CSMD1: variants seen among roughly 807,000 people sequenced by gnomAD.
CSMD1 encodes the protein CUB and sushi domain-containing protein 1.
CSMD1 carries 213 observed loss-of-function variants against 417.5 expected under a neutral mutation model. That is an observed-to-expected ratio of 0.51 (90% CI 0.46 to 0.57). CSMD1 has a LOEUF of 0.57. CSMD1 is among the 20% of genes least tolerant of loss of function. CSMD1 has a pLI of 0.00. For synonymous variants in CSMD1, 2,862 were observed against 1,736.8 expected (o/e 1.65, Z -16.11); for missense variants, 6,923 against 4,529.7 (o/e 1.53, Z -15.17).
intron 6 of CSMD1, among the ~76,000 whole-genome samples, chr8:3,712,752 T>G (rs111885095): frequency 6.6e-6 from 1 of 152,180 alleles, no homozygotes; most frequent in African/African-American, 2.4e-5. Flanking sequence ...CACGCCAAAG[T>G]TAGTCTCACA....
chr8:3,478,676 C>G (rs1271232446), intron 11 of CSMD1, among the ~76,000 whole-genome samples: 1 of 152,114 alleles, frequency 6.6e-6, no homozygotes, highest in African/African-American at 2.4e-5. Flanking sequence ...TCTCCAGATG[C>G]AACTGTGACC....
chr8:3,161,499 A>G (rs1437017495), intron 38 of CSMD1, among the ~76,000 whole-genome samples: 1 of 151,550 alleles, frequency 6.6e-6, no homozygotes, highest in Admixed American at 6.6e-5. Context: ...TGCCTGTAAT[A>G]CCAGCTACTT....
chr8:4,332,856 T>A (rs1381090797), intron 3 of CSMD1, among the ~76,000 whole-genome samples: 1 of 147,912 alleles, frequency 6.8e-6, no homozygotes, highest in Non-Finnish European at 1.5e-5. Flanking sequence ...TTTTTCCCAA[T>A]CATCTACACA....
In CSMD1 at chr8:3,542,401, C is replaced by A. The variant is rs980206516; in HGVS notation, c.1344+32544G>T. The stretch of plus-strand genomic sequence containing the variant: ...TTTTACAAATATATTTTAGCACCTA[C>A]CCTGTTCCAGATACCGTTCTACGAT... On this transcript the variant is annotated intron_variant, in intron 10 of 69. Transcript: ENST00000635120. Among the ~76,000 whole-genome samples the A allele has an allele frequency of 5.9e-5, 9 of 152,202 alleles. No individual in the cohort carries two copies. The East Asian group carries it at 1.7e-3, about 29-fold the overall frequency.
chr8:4,975,195 G>C (rs1810479646), intron 1 of CSMD1, among the ~76,000 whole-genome samples: 1 of 152,054 alleles, frequency 6.6e-6, no homozygotes, highest in Non-Finnish European at 1.5e-5. Context: ...ATTCACCACG[G>C]TGACTTTTCT....
intron 1 of CSMD1, among the ~76,000 whole-genome samples, chr8:4,646,531 C>T (rs941996877): frequency 1.3e-5 from 2 of 152,172 alleles, no homozygotes; most frequent in Non-Finnish European, 2.9e-5. Flanking sequence ...GCATTACTCA[C>T]TAAAAAAGGT....
chr8:4,409,763 C>T (rs541766968), intron 3 of CSMD1, among the ~76,000 whole-genome samples: 5 of 151,634 alleles, frequency 3.3e-5, no homozygotes, highest in South Asian at 2.1e-4. Context: ...ATAACTGTTC[C>T]AGGAGAATGT....
intron 68 of CSMD1, among the ~76,000 whole-genome samples, chr8:2,944,140 C>G (rs677117): frequency 6.6e-6 from 1 of 151,760 alleles, no homozygotes; most frequent in Non-Finnish European, 1.5e-5. Context: ...CCCACCATCA[C>G]GCAAAAGGAA....
At chr8:4,383,823 A>T (rs888609147) in intron 3 of CSMD1, among the ~76,000 whole-genome samples, 1 of 152,218 alleles carries the variant, frequency 6.6e-6, no homozygotes, top group African/African-American at 2.4e-5. Flanking sequence ...TTATTGTGAA[A>T]GTGGAACTTG....
intron 3 of CSMD1, among the ~76,000 whole-genome samples, chr8:4,315,277 A>G (rs150587952): frequency 6.6e-6 from 1 of 152,130 alleles, no homozygotes; most frequent in Admixed American, 6.6e-5. Context: ...ATGAAAACTG[A>G]GACAGTATGC....
chr8:4,157,961 G>C (rs1416434734), intron 3 of CSMD1, among the ~76,000 whole-genome samples: 1 of 152,178 alleles, frequency 6.6e-6, no homozygotes, highest in African/African-American at 2.4e-5. Context: ...TTTTAGCAAC[G>C]TATGCCGAGA....
At chr8:3,286,599 A>G (rs542160116) in intron 25 of CSMD1, among the ~76,000 whole-genome samples, 13 of 151,434 alleles carry the variant, frequency 8.6e-5, no homozygotes, top group African/African-American at 1.5e-4. Flanking sequence ...ATTTTTTCAT[A>G]TGTTTTTTGG....
chr8:4,374,084 A>G (rs1241054242), intron 3 of CSMD1, among the ~76,000 whole-genome samples: 2 of 152,176 alleles, frequency 1.3e-5, no homozygotes, highest in Admixed American at 6.5e-5. Flanking sequence ...GAAGTGTATC[A>G]TATGTGACCG....
chr8:3,305,974 C>A (rs771973740), intron 25 of CSMD1, among the ~76,000 whole-genome samples: 1 of 152,050 alleles, frequency 6.6e-6, no homozygotes, highest in Non-Finnish European at 1.5e-5. Flanking sequence ...GCCACTGCAC[C>A]CGGCCCCACA....
chr8:4,231,122 A>G (rs1159085932), intron 3 of CSMD1, among the ~76,000 whole-genome samples: 5 of 152,204 alleles, frequency 3.3e-5, no homozygotes, highest in South Asian at 2.1e-4. Context: ...ATGTTGAACT[A>G]CAGAAGAGTA....
In CSMD1 at chr8:3,468,831, G is replaced by A; in HGVS notation, c.1449-7C>T. 6.4e-7 allele frequency: 1 copy of A among 1,570,506 alleles called. No individual in the cohort carries two copies. Among genetic ancestry groups the A allele is most frequent in the East Asian group, 2.3e-5 (1 of 43,590 alleles). ...AACACTGGATCCCGTGAGCCTGCAA[G>A]AAAGAGAAATGTCAAAGCTTTTAGG... On this transcript the variant is annotated splice_region_variant and splice_polypyrimidine_tract_variant and intron_variant, in intron 11 of 69. Coordinates refer to ENST00000635120, the MANE Select transcript of CSMD1 (RefSeq NM_033225.6).
At chr8:3,414,283 G>C (rs776728027) in intron 12 of CSMD1, among the ~76,000 whole-genome samples, 21 of 116,324 alleles carry the variant, frequency 1.8e-4, no homozygotes, top group Admixed American at 1.6e-3. Context: ...CTAGATATAA[G>C]ATTTGATAAT....
intron 1 of CSMD1, among the ~76,000 whole-genome samples, chr8:4,798,190 G>A (rs1315804324): frequency 6.6e-6 from 1 of 152,086 alleles, no homozygotes; most frequent in Non-Finnish European, 1.5e-5. Flanking sequence ...AGGCCCCGGT[G>A]TGTGATGTTC....
intron 7 of CSMD1, among the ~76,000 whole-genome samples, chr8:3,701,616 C>T (rs554072439): frequency 1.3e-4 from 20 of 151,662 alleles, no homozygotes; most frequent in East Asian, 3.9e-4. Flanking sequence ...ACTAAAACTA[C>T]GAATATTATA....
Sources: gnomAD v4.1 joint callset for allele counts (sites outside exome capture counted in the v4.1 genomes callset) on GRCh38, gnomAD v4.1.1 for gene constraint, MANE v1.5 for transcripts, NCBI Gene and HGNC (gene_info 2026-07-23, HGNC 2026-07-21) for gene names.